Variants in B3GLCT observed in about 807,000 individuals in gnomAD.
B3GLCT encodes the protein beta-1,3-glucosyltransferase.
Under a neutral mutation model 63.4 loss-of-function variants are expected in B3GLCT, and 65 were observed. The ratio of observed to expected loss-of-function variants is 1.03; its 90% confidence interval spans 0.84 to 1.26. The LOEUF (loss-of-function observed/expected upper bound fraction) is 1.26. Among genes scored for constraint, B3GLCT ranks in the 50% most tolerant of loss-of-function variants. The pLI is 0.00. For missense variants in B3GLCT, 577 were observed against 604.8 expected (o/e 0.95, Z 0.48); for synonymous variants, 233 against 219.2 (o/e 1.06, Z -0.55).
At chr13:31,204,544 C>CT (rs1868845152) in intron 1 of B3GLCT, among the ~76,000 whole-genome samples, 1 of 152,130 alleles carries the variant, frequency 6.6e-6, no homozygotes, top group East Asian at 1.9e-4. Flanking sequence ...GGACGGAGGA[C>CT]TGAAGGGCTG....
chr13:31,278,905 A>C (rs1301452647), intron 10 of B3GLCT, among the ~76,000 whole-genome samples: 1 of 152,206 alleles, frequency 6.6e-6, no homozygotes, highest in Non-Finnish European at 1.5e-5. Context: ...GAAAAAGCTG[A>C]GTATGGAATG....
chr13:31,325,090 G>C (rs182547956), intron 14 of B3GLCT, among the ~76,000 whole-genome samples: 106 of 152,270 alleles, frequency 7.0e-4, no homozygotes, highest in African/African-American at 2.5e-3. Context: ...GTATACTATA[G>C]AAAACAACTC....
intron 1 of B3GLCT, among the ~76,000 whole-genome samples, chr13:31,209,111 C>T (rs1473585326): frequency 4.6e-5 from 7 of 152,192 alleles, no homozygotes; most frequent in Non-Finnish European, 7.4e-5. Context: ...AAAAAACGTA[C>T]GGAGTGACAG....
rs1188072099 is a variant in B3GLCT at position 31,260,983 on chromosome 13, C to A, written c.497C>A (p.Ala166Asp). 1 of 1,613,902 alleles carries A rather than the reference C, an allele frequency of 6.2e-7. No homozygotes were observed. Among genetic ancestry groups the A allele is most frequent in the Non-Finnish European group, 8.5e-7 (1 of 1,179,874 alleles). ...GGAAAAGCATTACATGATGAAGAAG[C>A]TACAATAATTCACCATTATGCCTTT... ...FLGKALHDEE[A>D]TIIHHYAFSE... The change falls in exon 7 of 15, where the codon GCT (alanine) becomes GAT (aspartate). Residue 166 changes from alanine to aspartate, a missense_variant. By Grantham distance (126) the Ala-to-Asp change is moderately radical. Coordinates refer to ENST00000343307, the MANE Select transcript of B3GLCT (RefSeq NM_194318.4).
chr13:31,259,873 T>TG (rs1871934266), intron 6 of B3GLCT, among the ~76,000 whole-genome samples: 2 of 152,286 alleles, frequency 1.3e-5, no homozygotes, highest in African/African-American at 2.4e-5. Context: ...TTAGGGTACA[T>TG]GTGTACAACG....
intron 12 of B3GLCT, among the ~76,000 whole-genome samples, chr13:31,304,184 A>G (rs1874326010): frequency 1.3e-5 from 1 of 78,660 alleles, no homozygotes; most frequent in African/African-American, 5.7e-5. Context: ...GAAGCGCTAA[A>G]CATGGAAAGG....
intron 3 of B3GLCT, among the ~76,000 whole-genome samples, chr13:31,227,431 T>C (rs114800051): frequency 0.015 from 2,305 of 152,326 alleles, 66 homozygotes; most frequent in African/African-American, 0.052. Flanking sequence ...ATGTTTCAGA[T>C]GTAGTAGATC....
rs770760169 is a variant in B3GLCT at position 31,329,654 on chromosome 13, C to A, written c.1483C>A (p.Arg495=). ...KARQETQKGF[R]EEL is the part of the protein sequence containing the mutation. Reference sequence around the variant, plus strand: ...CAGGCAGGAGACACAGAAAGGTTTTCGAGAGGAGTTATAAATCAGGGTGAC... The same window carrying A: ...CAGGCAGGAGACACAGAAAGGTTTTAGAGAGGAGTTATAAATCAGGGTGAC... The change falls in exon 15 of 15, where the codon CGA becomes AGA. Residue 495 remains arginine, a synonymous_variant. Coordinates refer to ENST00000343307, the MANE Select transcript of B3GLCT (RefSeq NM_194318.4). The A allele has an allele frequency of 3.7e-6, 6 of 1,614,150 alleles. No homozygotes were observed. The highest frequency in any genetic ancestry group is 5.1e-6 in the Non-Finnish European group (6 of 1,180,024).
Position 31,331,696 on chromosome 13 carries a change from AAT to A in B3GLCT, c.*2029_*2030del, listed in dbSNP as rs1875933639. On this transcript the variant is annotated 3_prime_UTR_variant, in exon 15 of 15. Coordinates refer to ENST00000343307, the MANE Select transcript of B3GLCT (RefSeq NM_194318.4). The stretch of plus-strand genomic sequence containing the variant: ...TAAGAGAAAACCATCAGAAATTGAT[AAT>A]GTTTATATAAAGTTTATAAAGCCAT... 3 of 152,252 alleles carry A rather than the reference AAT, an allele frequency of 2.0e-5. No individual in the cohort carries two copies. Among genetic ancestry groups the A allele is most frequent in the African/African-American group, 4.8e-5 (2 of 41,474 alleles). The allele number at this position is 152,252 out of a possible 1,614,324, so 9.4% of individuals were successfully genotyped here.
intron 1 of B3GLCT, among the ~76,000 whole-genome samples, chr13:31,206,013 A>G (rs745362838): frequency 9.2e-5 from 14 of 152,220 alleles, no homozygotes; most frequent in Non-Finnish European, 1.8e-4. Flanking sequence ...AGTTTATATC[A>G]TTGCTTCCCG....
chr13:31,236,087 T>C (rs1023850862), intron 4 of B3GLCT, among the ~76,000 whole-genome samples: 1 of 152,180 alleles, frequency 6.6e-6, no homozygotes, highest in African/African-American at 2.4e-5. Flanking sequence ...CAAGGTGTAC[T>C]TTGTCCTTCA....
At chr13:31,265,240 A>T (rs938297471) in intron 7 of B3GLCT, among the ~76,000 whole-genome samples, 1 of 152,182 alleles carries the variant, frequency 6.6e-6, no homozygotes, top group Non-Finnish European at 1.5e-5. Flanking sequence ...GTTGCCAGGG[A>T]ATTTCATTGA....
chr13:31,311,516 T>C (rs1874708407), intron 12 of B3GLCT: 1 of 152,266 alleles, frequency 6.6e-6, no homozygotes, highest in Non-Finnish European at 1.5e-5. Context: ...TTAATTTTGA[T>C]GCAACTAACC....
In B3GLCT at chr13:31,229,270, A is replaced by G. The variant is rs780045515; in HGVS notation, c.246A>G (p.Leu82=). 2 of 1,612,040 alleles carry G rather than the reference A, an allele frequency of 1.2e-6. No homozygotes were observed. The highest frequency in any genetic ancestry group is 2.2e-5 in the East Asian group (1 of 44,884). Reference sequence around the variant, plus strand: ...CAGAGCAGTTAAAAAAAAGCATCTTAAAGCAGGCTGCAGATCTTACACAGG... The same window carrying G: ...CAGAGCAGTTAAAAAAAAGCATCTTGAAGCAGGCTGCAGATCTTACACAGG... ...KRAEQLKKSI[L]KQAADLTQEL... Residue 82 remains leucine (L), a synonymous_variant, in exon 4 of 15, where the codon TTA becomes TTG. Coordinates refer to ENST00000343307, the MANE Select transcript of B3GLCT (RefSeq NM_194318.4).
At chr13:31,250,613 G>C (rs1161470522) in intron 6 of B3GLCT, among the ~76,000 whole-genome samples, 1 of 152,200 alleles carries the variant, frequency 6.6e-6, no homozygotes, top group Non-Finnish European at 1.5e-5. Flanking sequence ...AAACTGGGTG[G>C]AGCCCACCAC....
chr13:31,223,015 A>T (rs1869900613), intron 3 of B3GLCT, 24 bp downstream of exon 3: 2 of 1,403,938 alleles, frequency 1.4e-6, no homozygotes, highest in Non-Finnish European at 2.0e-6. Context: ...TTTTTTACCT[A>T]AGAGTGTGTA....
Position 31,200,076 on chromosome 13 carries a change from G to T in B3GLCT, c.-9G>T. 1 of 1,367,100 alleles carries T rather than the reference G, an allele frequency of 7.3e-7. No homozygotes were observed. The highest frequency in any genetic ancestry group is 9.5e-7 in the Non-Finnish European group (1 of 1,049,460). 84.7% of individuals were successfully genotyped at this position (1,367,100 alleles called of 1,614,324 possible). ...CGCCCAGGTAGGGCGCTCAGCCTCC[G>T]CCGCCAGGATGCGGCCGCCCGCCTG... On this transcript the variant is annotated 5_prime_UTR_variant, in exon 1 of 15. Coordinates refer to ENST00000343307, the MANE Select transcript of B3GLCT (RefSeq NM_194318.4).
chr13:31,311,980 A>G (rs1874733759), intron 12 of B3GLCT, among the ~76,000 whole-genome samples: 1 of 152,202 alleles, frequency 6.6e-6, no homozygotes. Flanking sequence ...TTAATGAACC[A>G]CTCCAGGGAG....
At chr13:31,235,989 A>C (rs1242759791) in intron 4 of B3GLCT, among the ~76,000 whole-genome samples, 1 of 152,192 alleles carries the variant, frequency 6.6e-6, no homozygotes, top group Non-Finnish European at 1.5e-5. Flanking sequence ...GTGTTGTTGC[A>C]GGTAACCTCA....
Sources: allele counts gnomAD v4.1 joint callset (sites outside exome capture counted in the v4.1 genomes callset), GRCh38; gene constraint gnomAD v4.1.1; transcripts MANE v1.5; gene names NCBI Gene and HGNC (gene_info 2026-07-23, HGNC 2026-07-21).